SAMMSON: variants seen among roughly 807,000 people sequenced by gnomAD.
SAMMSON encodes the protein long intergenic non-protein coding RNA 1212.
At chr3:70,222,267 T>C (rs928289696) in intron 4 of SAMMSON, among the ~76,000 whole-genome samples, 1 of 152,200 alleles carries the variant, frequency 6.6e-6, no homozygotes, top group African/African-American at 2.4e-5. Flanking sequence ...CAACTGGAGA[T>C]GAAGACTCTT....
At chr3:70,192,648 G>A (rs1206738885) in intron 4 of SAMMSON, among the ~76,000 whole-genome samples, 2 of 152,184 alleles carry the variant, frequency 1.3e-5, no homozygotes, top group African/African-American at 4.8e-5. Context: ...GGAGTCTTTA[G>A]AACTAGCGTT....
intron 3 of SAMMSON, among the ~76,000 whole-genome samples, chr3:70,046,477 C>T (rs2067127551): frequency 6.6e-6 from 1 of 151,970 alleles, no homozygotes; most frequent in Admixed American, 6.6e-5. Flanking sequence ...CCAAATGTAT[C>T]CAAAATTAAT....
intron 4 of SAMMSON, among the ~76,000 whole-genome samples, chr3:70,169,969 A>C (rs2067655251): frequency 6.6e-6 from 1 of 151,934 alleles, no homozygotes; most frequent in African/African-American, 2.4e-5. Flanking sequence ...GGAGGGGGAC[A>C]CTGGCTAGCA....
At chr3:70,090,622 C>A (rs970369205) in intron 4 of SAMMSON, among the ~76,000 whole-genome samples, 4 of 151,778 alleles carry the variant, frequency 2.6e-5, no homozygotes, top group African/African-American at 9.7e-5. Flanking sequence ...TTGATATTTC[C>A]AAGTTTTTTT....
chr3:70,000,596 T>G (rs1298018423), intron 1 of SAMMSON, among the ~76,000 whole-genome samples: 1 of 152,208 alleles, frequency 6.6e-6, no homozygotes, highest in Non-Finnish European at 1.5e-5. Context: ...CATTTCTCTT[T>G]TCACATAACA....
At chr3:70,411,855 G>T (rs551797916) in intron 2 of SAMMSON, among the ~76,000 whole-genome samples, 1 of 152,194 alleles carries the variant, frequency 6.6e-6, no homozygotes, top group South Asian at 2.1e-4. Context: ...TTACTCAGTC[G>T]TGGGTATTTC....
intron 6 of SAMMSON, among the ~76,000 whole-genome samples, chr3:70,276,912 T>C (rs543556886): frequency 6.6e-6 from 1 of 152,282 alleles, no homozygotes; most frequent in South Asian, 2.1e-4. Context: ...TTCTCAACTG[T>C]AATCAGTGAG....
intron 6 of SAMMSON, among the ~76,000 whole-genome samples, chr3:70,257,846 C>T (rs534737225): frequency 6.6e-6 from 1 of 152,220 alleles, no homozygotes; most frequent in Non-Finnish European, 1.5e-5. Context: ...CAGAACACAA[C>T]AGAAAGGCTT....
chr3:70,194,018 C>T (rs1253801286), intron 4 of SAMMSON, among the ~76,000 whole-genome samples: 1 of 152,166 alleles, frequency 6.6e-6, no homozygotes, highest in Non-Finnish European at 1.5e-5. Context: ...GTAGGCCTAT[C>T]AGCTTATGTA....
downstream of SAMMSON, among the ~76,000 whole-genome samples, chr3:70,393,222 G>T (rs1233185742): frequency 6.6e-6 from 1 of 152,134 alleles, no homozygotes; most frequent in South Asian, 2.1e-4. Context: ...CTCAAAAGCT[G>T]GTACACCAGT....
chr3:70,079,329 A>G (rs1576116483), intron 4 of SAMMSON, among the ~76,000 whole-genome samples: 1 of 152,060 alleles, frequency 6.6e-6, no homozygotes, highest in African/African-American at 2.4e-5. Flanking sequence ...TGGTGGGAGT[A>G]TTTACTTTAG....
chr3:70,063,044 C>T (rs1042241318), intron 3 of SAMMSON, among the ~76,000 whole-genome samples: 3 of 152,062 alleles, frequency 2.0e-5, no homozygotes, highest in Non-Finnish European at 2.9e-5. Context: ...AGTTCTTTGT[C>T]TCCTGCTTTG....
intron 2 of SAMMSON, among the ~76,000 whole-genome samples, chr3:70,422,349 T>A (rs1701320021): frequency 6.6e-6 from 1 of 152,088 alleles, no homozygotes. Context: ...AGTGTTATGT[T>A]TATTAACTAA....
chr3:70,181,817 A>G (rs1054750533), intron 4 of SAMMSON, among the ~76,000 whole-genome samples: 5 of 152,218 alleles, frequency 3.3e-5, no homozygotes, highest in Admixed American at 6.5e-5. Flanking sequence ...TTTAAGAAAC[A>G]TATACTTTCT....
At chr3:70,313,351 G>A (rs1055715683) in intron 7 of SAMMSON, among the ~76,000 whole-genome samples, 1 of 151,786 alleles carries the variant, frequency 6.6e-6, no homozygotes, top group African/African-American at 2.4e-5. Context: ...GTGGATATAT[G>A]TCTATAATCC....
chr3:70,122,368 A>C (rs537793227), intron 4 of SAMMSON, among the ~76,000 whole-genome samples: 3 of 151,818 alleles, frequency 2.0e-5, no homozygotes, highest in Admixed American at 1.3e-4. Context: ...ATTATTATAT[A>C]TTTTCTTTGT....
Position 70,247,227 on chromosome 3 carries a change from G to A in SAMMSON, n.508-1880G>A, listed in dbSNP as rs140722606. The stretch of plus-strand genomic sequence containing the variant: ...ACATAATGGTAGTTTTACCTCCATG[G>A]TTTTATTTCCATTTTGAGATATTCT... On this transcript the variant is annotated intron_variant and non_coding_transcript_variant, in intron 4 of 9. Transcript: ENST00000642114. 3.5e-3 allele frequency among the ~76,000 whole-genome samples: 526 copies of A among 151,942 alleles called. 3 individuals are homozygous for A. The highest frequency in any genetic ancestry group is 0.012 in the African/African-American group (503 of 41,484).
chr3:70,402,289 C>T (rs193176815), intron 2 of SAMMSON, among the ~76,000 whole-genome samples: 72 of 152,158 alleles, frequency 4.7e-4, no homozygotes, highest in African/African-American at 1.6e-3. Flanking sequence ...CACATCCTTC[C>T]ATAAATTGAG....
intron 7 of SAMMSON, among the ~76,000 whole-genome samples, chr3:70,293,785 T>G (rs1165790780): frequency 6.6e-6 from 1 of 152,084 alleles, no homozygotes; most frequent in Non-Finnish European, 1.5e-5. Context: ...ATCTGAACCT[T>G]ACTGAAAGGA....
Sources: gnomAD v4.1 joint callset for allele counts (sites outside exome capture counted in the v4.1 genomes callset) on GRCh38, gnomAD v4.1.1 for gene constraint, MANE v1.5 for transcripts, NCBI Gene and HGNC (gene_info 2026-07-23, HGNC 2026-07-21) for gene names.